Variants in CACNA1C observed in about 807,000 individuals in gnomAD.
CACNA1C encodes the protein calcium voltage-gated channel subunit alpha1 C.
Under a neutral mutation model 229.0 loss-of-function variants are expected in CACNA1C, and 30 were observed. The ratio of observed to expected loss-of-function variants is 0.13; its 90% CI spans 0.10 to 0.18. The LOEUF is 0.18. Ranked by LOEUF, CACNA1C falls within the 10% of genes least tolerant of loss-of-function variation. The pLI, the probability that CACNA1C is intolerant of heterozygous loss-of-function variation, is 1.00. For synonymous variants in CACNA1C, 1,114 were observed against 1,132.5 expected (o/e 0.98, Z 0.33); for missense variants, 1,658 against 2,845.0 (o/e 0.58, Z 9.49).
chr12:2,664,804 G>C (rs768172384), intron 34 of CACNA1C, 21 bp from the exon 35 acceptor site: 1 of 1,548,418 alleles, frequency 6.5e-7, no homozygotes, highest in Non-Finnish European at 8.8e-7. Context: ...CTGCATGAAC[G>C]TGGCTCTCCC....
chr12:2,364,062 T>C (rs2097653285), intron 3 of CACNA1C, among the ~76,000 whole-genome samples: 1 of 152,184 alleles, frequency 6.6e-6, no homozygotes, highest in Non-Finnish European at 1.5e-5. Flanking sequence ...AAGGACAGCC[T>C]AACTCATCAG....
intron 11 of CACNA1C, among the ~76,000 whole-genome samples, chr12:2,563,155 T>C (rs1475727728): frequency 6.6e-6 from 1 of 152,222 alleles, no homozygotes; most frequent in Non-Finnish European, 1.5e-5. Context: ...GCCTGGCTTA[T>C]TTCACTTAAT....
At chr12:2,576,347 C>T (rs965198487) in intron 13 of CACNA1C, among the ~76,000 whole-genome samples, 9 of 152,050 alleles carry the variant, frequency 5.9e-5, no homozygotes, top group Non-Finnish European at 1.3e-4. Context: ...CACCGGCACC[C>T]GGGTGCTGTA....
intron 13 of CACNA1C, among the ~76,000 whole-genome samples, chr12:2,576,190 G>T (rs556890652): frequency 1.3e-5 from 2 of 152,154 alleles, no homozygotes; most frequent in African/African-American, 4.8e-5. Flanking sequence ...GATAAAACAG[G>T]GAGCCGAGTG....
Position 2,012,267 on chromosome 12 carries a change from TC to T in CACNA1C, c.139+41068del, listed in dbSNP as rs367576070. Reference sequence around the variant, plus strand: ...TATAATGCTGAGATTTAAGAATATTTCCTTACCCGGTCCCTCAAGCCTATCA... The same window carrying T: ...TATAATGCTGAGATTTAAGAATATTTCTTACCCGGTCCCTCAAGCCTATCA... On this transcript the variant is annotated intron_variant, in intron 1 of 46. Transcript: ENST00000682462. Among the ~76,000 whole-genome samples the T allele has an allele frequency of 1.5e-3, 233 of 152,288 alleles. 1 individual carries two copies. Among genetic ancestry groups the T allele is most frequent in the African/African-American group, 5.5e-3 (227 of 41,560 alleles).
At chr12:2,116,064 C>T (rs1317677729) in intron 2 of CACNA1C, among the ~76,000 whole-genome samples, 3 of 152,110 alleles carry the variant, frequency 2.0e-5, no homozygotes, top group Non-Finnish European at 4.4e-5. Context: ...GCTGGAGGGC[C>T]CTGAAGCAGT....
At chr12:2,106,961 C>A (rs1231201267) in intron 1 of CACNA1C, among the ~76,000 whole-genome samples, 1 of 69,968 alleles carries the variant, frequency 1.4e-5, no homozygotes, top group African/African-American at 4.2e-5. Context: ...CACTGGGCGC[C>A]CACCCCGGGG....
At chr12:2,302,028 G>A (rs1007579770) in intron 3 of CACNA1C, among the ~76,000 whole-genome samples, 1 of 152,144 alleles carries the variant, frequency 6.6e-6, no homozygotes, top group African/African-American at 2.4e-5. Flanking sequence ...GATTTATTAG[G>A]AAACAATTTG....
intron 3 of CACNA1C, among the ~76,000 whole-genome samples, chr12:2,130,409 C>T (rs1375672745): frequency 1.2e-4 from 16 of 137,848 alleles, no homozygotes; most frequent in Non-Finnish European, 4.7e-5. Context: ...CCCACTAACT[C>T]ATCATCTAGC....
chr12:2,409,231 G>A (rs2098777336), intron 3 of CACNA1C, among the ~76,000 whole-genome samples: 1 of 152,204 alleles, frequency 6.6e-6, no homozygotes, highest in Non-Finnish European at 1.5e-5. Context: ...AAAGCAATGG[G>A]CTTTGAATTG....
intron 9 of CACNA1C, among the ~76,000 whole-genome samples, chr12:2,531,962 G>T (rs1166111905): frequency 6.6e-6 from 1 of 152,178 alleles, no homozygotes; most frequent in African/African-American, 2.4e-5. Flanking sequence ...CCATCTTTGT[G>T]CAAGCCTCAG....
chr12:2,437,654 G>A (rs2154559943), intron 3 of CACNA1C, among the ~76,000 whole-genome samples: 1 of 152,280 alleles, frequency 6.6e-6, no homozygotes, highest in South Asian at 2.1e-4. Flanking sequence ...GATAGGGGAG[G>A]TGGAAATGGT....
At chr12:2,596,224 T>A (rs145534000) in intron 20 of CACNA1C, 39 of 446,650 alleles carry the variant, frequency 8.7e-5, no homozygotes, top group African/African-American at 7.4e-4. Context: ...GCTGGTTTGA[T>A]AATTGGCAAA....
At chr12:2,661,168 G>A (rs1024492116) in intron 34 of CACNA1C, among the ~76,000 whole-genome samples, 6 of 151,852 alleles carry the variant, frequency 4.0e-5, no homozygotes, top group African/African-American at 9.7e-5. Context: ...AAGCTGTAGC[G>A]GGAGGATCAC....
At chr12:2,556,450 T>G (rs939912590) in intron 10 of CACNA1C, among the ~76,000 whole-genome samples, 2 of 152,234 alleles carry the variant, frequency 1.3e-5, no homozygotes, top group Non-Finnish European at 2.9e-5. Flanking sequence ...TCTGCAGCTC[T>G]TGGGTGGGGG....
At chr12:2,255,268 G>GAAAA (rs746929189) in intron 3 of CACNA1C, among the ~76,000 whole-genome samples, 1 of 95,666 alleles carries the variant, frequency 1.0e-5, no homozygotes, top group Non-Finnish European at 2.2e-5. Flanking sequence ...TTCTGCTGCA[G>GAAAA]AAAAAAAAAA....
At chr12:2,635,892 A>G (rs1450520630) in intron 30 of CACNA1C, among the ~76,000 whole-genome samples, 1 of 151,628 alleles carries the variant, frequency 6.6e-6, no homozygotes, top group Non-Finnish European at 1.5e-5. Flanking sequence ...GTGTATGTGC[A>G]CTCTCTCTTA....
chr12:2,544,954 T>C (rs994876675), intron 9 of CACNA1C, among the ~76,000 whole-genome samples: 1 of 152,214 alleles, frequency 6.6e-6, no homozygotes, highest in Non-Finnish European at 1.5e-5. Flanking sequence ...TGAGCATACT[T>C]CTTAGATGTA....
chr12:2,157,339 C>T (rs567639296), intron 3 of CACNA1C, among the ~76,000 whole-genome samples: 1 of 152,312 alleles, frequency 6.6e-6, no homozygotes, highest in Non-Finnish European at 1.5e-5. Flanking sequence ...GCAACTAATA[C>T]TCTTCCCATT....
Sources: allele counts gnomAD v4.1 joint callset (sites outside exome capture counted in the v4.1 genomes callset), GRCh38; gene constraint gnomAD v4.1.1; transcripts MANE v1.5; gene names NCBI Gene and HGNC (gene_info 2026-07-23, HGNC 2026-07-21).